The following PPP5C variants were observed in gnomAD, a reference collection of about 807,000 sequenced individuals.
PPP5C encodes protein phosphatase 5 catalytic subunit.
PPP5C carries 21 observed loss-of-function variants against 66.7 expected under a neutral mutation model. The observed-to-expected ratio is 0.31, with a 90% CI of 0.22 to 0.45. The LOEUF (loss-of-function observed/expected upper bound fraction) is 0.45. Among genes scored for constraint, PPP5C ranks in the 20% least tolerant of loss-of-function variants. PPP5C has a pLI of 1.00. For synonymous variants in PPP5C, 246 were observed against 257.4 expected (o/e 0.96, Z 0.43); for missense variants, 464 against 675.9 (o/e 0.69, Z 3.48).
At chr19:46,359,264 G>A (rs1243522995) in intron 2 of PPP5C, among the ~76,000 whole-genome samples, 2 of 152,042 alleles carry the variant, frequency 1.3e-5, no homozygotes, top group Non-Finnish European at 1.5e-5. Flanking sequence ...ATACAGCTGC[G>A]TCTCTGTGTC....
At chr19:46,356,593 C>G (rs751733161) in intron 2 of PPP5C, among the ~76,000 whole-genome samples, 5 of 152,186 alleles carry the variant, frequency 3.3e-5, no homozygotes, top group Non-Finnish European at 5.9e-5. Flanking sequence ...AGGAGATGTC[C>G]CTCCTCCAAG....
At chr19:46,359,477 T>C (rs1170605398) in intron 2 of PPP5C, among the ~76,000 whole-genome samples, 1 of 152,178 alleles carries the variant, frequency 6.6e-6, no homozygotes, top group Admixed American at 6.5e-5. Context: ...AGCTTCTGCT[T>C]TGGGGACTTA....
Position 46,353,759 on chromosome 19 carries a change from G to C in PPP5C, c.133G>C (p.Glu45Gln), listed in dbSNP as rs553624039. The C allele has an allele frequency of 6.2e-7, 1 of 1,614,132 alleles. No homozygotes were observed. Among genetic ancestry groups the C allele is most frequent in the Admixed American group, 1.7e-5 (1 of 60,028 alleles). ...ANDYFKAKDY[E>Q]NAIKFYSQAI... is the part of the protein sequence containing the mutation. ...TTCTGTCTCCGCAGCCAAGGACTAC[G>C]AGAACGCCATCAAGTTCTACAGCCA... is the stretch of plus-strand genomic sequence containing the variant. Residue 45 changes from glutamate to glutamine, a missense_variant, in exon 2 of 13, where the codon GAG becomes CAG. This residue lies in a region of PPP5C where 387 missense variants were observed against 626.0 expected (regional missense o/e 0.62). Transcript: ENST00000012443.
chr19:46,375,816 C>T (rs1972684961), intron 3 of PPP5C, 65 bp downstream of exon 3: 2 of 1,514,166 alleles, frequency 1.3e-6, no homozygotes, highest in Non-Finnish European at 1.8e-6. Context: ...TCTCCATTCC[C>T]TGGGGGTGGG....
At chr19:46,359,936 A>AGTGTG (rs1972354315) in intron 2 of PPP5C, among the ~76,000 whole-genome samples, 1 of 151,748 alleles carries the variant, frequency 6.6e-6, no homozygotes, top group African/African-American at 2.4e-5. Flanking sequence ...CCTGCCACAC[A>AGTGTG]CCTGGCTAAT....
At chr19:46,356,953 C>G (rs1601415193) in intron 2 of PPP5C, among the ~76,000 whole-genome samples, 1 of 152,212 alleles carries the variant, frequency 6.6e-6, no homozygotes, top group African/African-American at 2.4e-5. Flanking sequence ...AGCTGCATGG[C>G]TCCTAGTGCC....
chr19:46,387,814 C>CT (rs1972917837), intron 9 of PPP5C: 2 of 1,021,818 alleles, frequency 2.0e-6, no homozygotes, highest in Admixed American at 6.9e-5. Context: ...CACGTGCACA[C>CT]TGTGAGTGCT....
Position 46,383,026 on chromosome 19 carries a change from C to T in PPP5C, c.634-385C>T. On this transcript the variant is annotated intron_variant, in intron 4 of 12. Coordinates refer to ENST00000012443, the MANE Select transcript of PPP5C (RefSeq NM_006247.4). The surrounding 1 kb of genome is among the most constrained non-coding windows in gnomAD (Gnocchi z 5.0). ...GACCTGCCTTTTTACCTCTTTTTAC[C>T]TAGAAAGTCTCACTTCTTTTTTGGG... 9.3e-7 allele frequency: 1 copy of T among 1,071,592 alleles called. No individual in the cohort carries two copies. Among genetic ancestry groups the T allele is most frequent in the Non-Finnish European group, 1.2e-6 (1 of 844,426 alleles). 66.4% of individuals were successfully genotyped at this position (1,071,592 alleles called of 1,614,324 possible).
intron 1 of PPP5C, among the ~76,000 whole-genome samples, chr19:46,349,737 G>C (rs1972149243): frequency 6.6e-6 from 1 of 152,136 alleles, no homozygotes; most frequent in Non-Finnish European, 1.5e-5. Flanking sequence ...TTAGTGGACA[G>C]GTGAGGAGGG....
intron 2 of PPP5C, among the ~76,000 whole-genome samples, chr19:46,373,172 C>T (rs1002819502): frequency 6.6e-6 from 1 of 152,248 alleles, no homozygotes; most frequent in African/African-American, 2.4e-5. Flanking sequence ...CTGCCCCACG[C>T]TGCCTCCCTG....
intron 2 of PPP5C, among the ~76,000 whole-genome samples, chr19:46,363,058 A>G (rs1386616946): frequency 6.6e-6 from 1 of 151,048 alleles, no homozygotes; most frequent in Non-Finnish European, 1.5e-5. Flanking sequence ...AAGTGCTGGG[A>G]TTACAGGCAT....
At position 46,383,636 on chromosome 19, in the gene PPP5C, T is replaced by C; in HGVS notation, c.700-144T>C. 9.8e-7 allele frequency: 1 copy of C among 1,022,518 alleles called. No homozygotes were observed. 63.3% of individuals were successfully genotyped at this position (1,022,518 alleles called of 1,614,324 possible). A position where few individuals can be genotyped will look rare whatever the true frequency, so the allele number is the denominator to read the frequency against. On this transcript the variant is annotated intron_variant, in intron 5 of 12. Coordinates refer to ENST00000012443, the MANE Select transcript of PPP5C (RefSeq NM_006247.4). This position sits in a 1 kb window ranked among gnomAD's most constrained non-coding sequence, Gnocchi z 5.0. The stretch of plus-strand genomic sequence containing the variant: ...AATATCCCATTTCTCTCCTGGCCTC[T>C]TGGTCTTCGTTTGTGTTCCCTGCTT...
intron 2 of PPP5C, among the ~76,000 whole-genome samples, chr19:46,368,828 G>C (rs1377471089): frequency 2.6e-5 from 4 of 152,134 alleles, no homozygotes. Context: ...TTTTCCATTA[G>C]TGAGTTATTT....
intron 2 of PPP5C, among the ~76,000 whole-genome samples, chr19:46,361,115 A>T (rs1292515816): frequency 6.9e-6 from 1 of 145,484 alleles, no homozygotes; most frequent in East Asian, 2.1e-4. Flanking sequence ...TACCCAAAAG[A>T]TAAGTGAAAG....
intron 8 of PPP5C, 32 bp from the exon 9 acceptor site, chr19:46,387,334 T>G (rs188575658): frequency 2.7e-4 from 439 of 1,607,734 alleles, no homozygotes; most frequent in Admixed American, 4.2e-4. Context: ...GGGTGGCACC[T>G]TCCCTCACAG....
At chr19:46,350,715 C>T (rs1350323324) in intron 1 of PPP5C, among the ~76,000 whole-genome samples, 1 of 151,984 alleles carries the variant, frequency 6.6e-6, no homozygotes, top group African/African-American at 2.4e-5. Flanking sequence ...TAGGAGTGGC[C>T]CTGTTTGTTT....
chr19:46,357,388 G>A (rs1972305191), intron 2 of PPP5C, among the ~76,000 whole-genome samples: 1 of 152,220 alleles, frequency 6.6e-6, no homozygotes, highest in African/African-American at 2.4e-5. Flanking sequence ...CAGTTACACA[G>A]AAAATTTCTG....
intron 1 of PPP5C, among the ~76,000 whole-genome samples, chr19:46,351,717 G>T (rs1162348132): frequency 1.3e-5 from 2 of 152,226 alleles, no homozygotes; most frequent in African/African-American, 2.4e-5. Flanking sequence ...GATCTGGGCT[G>T]CCCAGTTCTG....
At chr19:46,389,300 G>GGGAAGAGT (rs1206912376) in intron 11 of PPP5C, among the ~76,000 whole-genome samples, 1 of 149,770 alleles carries the variant, frequency 6.7e-6, no homozygotes, top group East Asian at 2.0e-4. Context: ...CTCCAGCCTG[G>GGGAAGAGT]GGAAGAGTAA....
Sources: gnomAD v4.1 joint callset for allele counts (sites outside exome capture counted in the v4.1 genomes callset) on GRCh38, gnomAD v4.1.1 for gene constraint, gnomAD v4.1.1 regional missense constraint, Gnocchi (gnomAD v3.1) non-coding constraint, MANE v1.5 for transcripts, NCBI Gene and HGNC (gene_info 2026-07-23, HGNC 2026-07-21) for gene names.